TENM3: variants seen among roughly 807,000 people sequenced by gnomAD.
The protein encoded by TENM3 is teneurin transmembrane protein 3.
In TENM3, 63 loss-of-function variants were observed where a neutral mutation model predicts 255.1. The ratio of observed to expected loss-of-function variants is 0.25; its 90% CI spans 0.20 to 0.30. The LOEUF is 0.30. Among genes scored for constraint, TENM3 ranks in the 10% least tolerant of loss-of-function variants. The probability of loss-of-function intolerance (pLI) is 1.00; values close to 1 mark genes in which losing one functional copy is unlikely to be tolerated. For missense variants in TENM3, 2,929 were observed against 3,461.1 expected, an observed-to-expected ratio of 0.85 and a Z score of 3.86; for synonymous variants, 1,306 against 1,322.3, an observed-to-expected ratio of 0.99 and a Z score of 0.27.
the TENM3 span, among the ~76,000 whole-genome samples, chr4:181,586,899 AT>A: frequency 5.9e-3 from 893 of 152,110 alleles, 11 homozygotes; most frequent in African/African-American, 0.02. Context: ...GCAGATCATT[AT>A]TTTTTTCTTA....
chr4:182,240,833 G>C (rs556436026), upstream of TENM3, among the ~76,000 whole-genome samples: 2 of 152,316 alleles, frequency 1.3e-5, no homozygotes, highest in African/African-American at 2.4e-5. Context: ...TTGCCTGTTT[G>C]TCATAGGATT....
rs1016496457 is a variant in TENM3, at chr4:182,419,998, C to G, written c.511+73069C>G. Among the ~76,000 whole-genome samples, 12 of 151,450 alleles carry G rather than the reference C, an allele frequency of 7.9e-5. No individual in the cohort carries two copies. In the South Asian group the frequency reaches 2.3e-3, roughly 29 times the overall value. On this transcript the variant is annotated intron_variant, in intron 3 of 27. Coordinates refer to ENST00000511685, the MANE Select transcript of TENM3 (RefSeq NM_001080477.4). ...AAACATGCATGTTGTCCACATGTAC[C>G]CTAGAACTTAAAGTATAATAATAAT...
the TENM3 span, among the ~76,000 whole-genome samples, chr4:181,624,252 A>C: frequency 6.6e-6 from 1 of 152,192 alleles, no homozygotes; most frequent in South Asian, 2.1e-4. Flanking sequence ...AGGCTGATGG[A>C]ATAAGTGCTG....
intron 7 of TENM3, among the ~76,000 whole-genome samples, chr4:182,677,068 C>A (rs757179023): frequency 2.6e-5 from 4 of 152,174 alleles, no homozygotes; most frequent in Admixed American, 6.5e-5. Flanking sequence ...CCTTAAGTGA[C>A]CACTTTATGC....
At chr4:181,605,438 C>T in the TENM3 span, among the ~76,000 whole-genome samples, 2 of 123,568 alleles carry the variant, frequency 1.6e-5, no homozygotes, top group African/African-American at 6.2e-5. Context: ...AGCGAGACAC[C>T]ATCAAAAGAA....
At chr4:181,451,994 G>A in the TENM3 span, among the ~76,000 whole-genome samples, 1 of 152,108 alleles carries the variant, frequency 6.6e-6, no homozygotes, top group Non-Finnish European at 1.5e-5. Flanking sequence ...GAAACAGCCA[G>A]AGAAGTGGGA....
At chr4:181,529,385 G>T in the TENM3 span, among the ~76,000 whole-genome samples, 1 of 152,212 alleles carries the variant, frequency 6.6e-6, no homozygotes, top group Non-Finnish European at 1.5e-5. Flanking sequence ...AACAGAGAAG[G>T]AAGAGCTGCT....
intron 1 of TENM3, among the ~76,000 whole-genome samples, chr4:182,154,612 G>T (rs1438626000): frequency 2.0e-5 from 3 of 152,124 alleles, no homozygotes; most frequent in African/African-American, 4.8e-5. Flanking sequence ...GATGACCAGG[G>T]CATTGATTCT....
chr4:182,065,702 C>T, the TENM3 span, among the ~76,000 whole-genome samples: 1 of 152,204 alleles, frequency 6.6e-6, no homozygotes, highest in African/African-American at 2.4e-5. Context: ...GGGAACTTCC[C>T]TCCAGTTTCC....
upstream of TENM3, among the ~76,000 whole-genome samples, chr4:182,241,615 G>T (rs191557351): frequency 8.0e-5 from 12 of 149,174 alleles, no homozygotes; most frequent in African/African-American, 3.0e-4. Flanking sequence ...TCAGGTTCAG[G>T]CCTCCTGCCT....
At chr4:181,447,731 C>A in the TENM3 span, among the ~76,000 whole-genome samples, 1 of 152,144 alleles carries the variant, frequency 6.6e-6, no homozygotes, top group Non-Finnish European at 1.5e-5. Context: ...AGCCAACCTA[C>A]CCTGGAGTTC....
chr4:181,913,797 C>G, the TENM3 span, among the ~76,000 whole-genome samples: 540 of 152,250 alleles, frequency 3.5e-3, 16 homozygotes, highest in South Asian at 0.052. Flanking sequence ...GAACTCAGAA[C>G]TCATTGTACT....
At chr4:182,596,494 T>G (rs1176813073) in intron 3 of TENM3, among the ~76,000 whole-genome samples, 1 of 152,136 alleles carries the variant, frequency 6.6e-6, no homozygotes, top group East Asian at 1.9e-4. Flanking sequence ...ATCAATGATT[T>G]TTACCTGGAG....
chr4:182,120,990 T>C, the TENM3 span, among the ~76,000 whole-genome samples: 1 of 152,100 alleles, frequency 6.6e-6, no homozygotes, highest in Non-Finnish European at 1.5e-5. Flanking sequence ...GACTTCCATT[T>C]TGTTTTTATT....
chr4:182,549,278 C>G (rs965159518), intron 3 of TENM3, among the ~76,000 whole-genome samples: 1 of 152,156 alleles, frequency 6.6e-6, no homozygotes, highest in Non-Finnish European at 1.5e-5. Flanking sequence ...TAATACTGTT[C>G]AAAGGAAAAT....
the TENM3 span, among the ~76,000 whole-genome samples, chr4:182,088,864 C>A: frequency 6.6e-6 from 1 of 151,498 alleles, no homozygotes; most frequent in African/African-American, 2.4e-5. Context: ...AGAGAGACAG[C>A]CAAAGCAAAG....
the TENM3 span, among the ~76,000 whole-genome samples, chr4:182,133,286 G>A: frequency 6.6e-6 from 1 of 152,144 alleles, no homozygotes; most frequent in Admixed American, 6.5e-5. Context: ...AAAAATTGAA[G>A]GGCTTTCGGC....
chr4:182,126,847 G>A, the TENM3 span, among the ~76,000 whole-genome samples: 2 of 152,166 alleles, frequency 1.3e-5, no homozygotes, highest in African/African-American at 2.4e-5. Flanking sequence ...CTGAGCCCAG[G>A]CAAGCCCAAG....
intron 1 of TENM3, among the ~76,000 whole-genome samples, chr4:182,210,985 T>C (rs1754995441): frequency 6.6e-6 from 1 of 152,154 alleles, no homozygotes; most frequent in Non-Finnish European, 1.5e-5. Flanking sequence ...TCTTCCCTCC[T>C]AAGGGAGTGA....
Sources: allele counts gnomAD v4.1 joint callset (sites outside exome capture counted in the v4.1 genomes callset), GRCh38; gene constraint gnomAD v4.1.1; transcripts MANE v1.5; gene names NCBI Gene and HGNC (gene_info 2026-07-23, HGNC 2026-07-21).